The following ZNF395 variants were observed in gnomAD, a reference collection of about 807,000 sequenced individuals.
The protein encoded by ZNF395 is zinc finger protein 395.
ZNF395 carries 20 observed loss-of-function variants against 57.7 expected under a neutral mutation model. The ratio of observed to expected loss-of-function variants is 0.35; its 90% CI spans 0.24 to 0.50. The LOEUF is 0.50. ZNF395 is among the 20% of genes least tolerant of loss of function. The pLI is 0.97. For missense variants in ZNF395, 606 were observed against 671.2 expected (o/e 0.90, Z 1.07); for synonymous variants, 295 against 275.9 (o/e 1.07, Z -0.69).
intron 1 of ZNF395, among the ~76,000 whole-genome samples, chr8:28,378,130 C>CGTTG (rs1802066595): frequency 6.6e-6 from 1 of 152,190 alleles, no homozygotes; most frequent in African/African-American, 2.4e-5. Flanking sequence ...CCCCCACCAC[C>CGTTG]ACCAACCTTC....
intron 1 of ZNF395, among the ~76,000 whole-genome samples, chr8:28,373,614 G>A (rs532228754): frequency 1.8e-4 from 27 of 152,248 alleles, no homozygotes; most frequent in Non-Finnish European, 2.8e-4. Flanking sequence ...AGTCCACAAC[G>A]GGCTGCCCGT....
At chr8:28,349,093 C>G (rs1310774434) in intron 9 of ZNF395, 32 bp downstream of exon 9, 1 of 1,554,294 alleles carries the variant, frequency 6.4e-7, no homozygotes, top group Admixed American at 1.9e-5. Context: ...GCACAGAAAC[C>G]AGAAGGCAGG....
At position 28,348,740 on chromosome 8, in the gene ZNF395, G is replaced by C; in HGVS notation, c.1521C>G (p.Ala507=). The change falls in exon 10 of 10, where the codon GCC becomes GCG. Residue 507 remains alanine, a synonymous_variant. Transcript: ENST00000344423. ...QWCTACRWKK[A]CQRFLD ...CAGCTCAGTCCAGAAAGCGCTGGCA[G>C]GCCTTCTTCCACCGGCAGGCCGTGC... is the stretch of plus-strand genomic sequence containing the variant. 1 of 1,614,054 alleles carries C rather than the reference G, an allele frequency of 6.2e-7. No homozygotes were observed.
At chr8:28,357,186 C>T (rs1484983028) in intron 3 of ZNF395, among the ~76,000 whole-genome samples, 1 of 152,146 alleles carries the variant, frequency 6.6e-6, no homozygotes, top group Non-Finnish European at 1.5e-5. Context: ...AAGATGCCCA[C>T]TGGAATTCAA....
intron 1 of ZNF395, among the ~76,000 whole-genome samples, chr8:28,371,823 T>C (rs553613949): frequency 1.3e-5 from 2 of 152,128 alleles, no homozygotes; most frequent in South Asian, 4.1e-4. Context: ...CCAAGGCAGG[T>C]GGATCACTTA....
intron 8 of ZNF395, 85 bp from the exon 9 acceptor site, chr8:28,349,313 C>G: frequency 8.9e-7 from 1 of 1,120,146 alleles, no homozygotes; most frequent in Non-Finnish European, 1.2e-6. Context: ...GCCACCCGTC[C>G]CCAGCTCCTG....
chr8:28,383,664 C>A (rs1802137200), intron 1 of ZNF395, among the ~76,000 whole-genome samples: 1 of 152,050 alleles, frequency 6.6e-6, no homozygotes, highest in Admixed American at 6.5e-5. Context: ...GAAACAGAAG[C>A]CCCTCGGTTC....
intron 2 of ZNF395, among the ~76,000 whole-genome samples, chr8:28,360,660 G>A (rs1055282660): frequency 1.3e-5 from 2 of 152,228 alleles, no homozygotes; most frequent in Non-Finnish European, 2.9e-5. Context: ...CTGATGCTAG[G>A]TCTTGCCACC....
rs868233084 is a variant in ZNF395 at position 28,360,431 on chromosome 8, C to G, written c.240+454G>C. Among the ~76,000 whole-genome samples the G allele has an allele frequency of 8.5e-5, 13 of 152,316 alleles. No homozygotes were observed. In the Middle Eastern group the frequency reaches 0.01, roughly 120 times the overall value. The stretch of plus-strand genomic sequence containing the variant: ...CAGACCCAGGGCCCTGGCACAGGGG[C>G]AGGGATGCTGGAAAAGGAAATCCAC... On this transcript the variant is annotated intron_variant, in intron 2 of 9. Transcript: ENST00000344423.
chr8:28,371,240 G>A (rs1018548936), intron 1 of ZNF395, among the ~76,000 whole-genome samples: 4 of 152,192 alleles, frequency 2.6e-5, no homozygotes, highest in South Asian at 4.1e-4. Context: ...GAGTGCAGTC[G>A]CACGATCACA....
intron 1 of ZNF395, among the ~76,000 whole-genome samples, chr8:28,374,522 A>G (rs1171843904): frequency 1.3e-5 from 2 of 152,124 alleles, no homozygotes; most frequent in Non-Finnish European, 2.9e-5. Context: ...CATTTCAATA[A>G]TATGTTTGGG....
chr8:28,353,791 G>A lies in ZNF395; in HGVS notation c.584-383C>T, dbSNP rs367982326. 3.9e-5 allele frequency among the ~76,000 whole-genome samples: 6 copies of A among 152,056 alleles called. No individual in the cohort carries two copies. The East Asian group carries it at 9.6e-4, about 24-fold the overall frequency. On this transcript the variant is annotated intron_variant, in intron 4 of 9. Transcript: ENST00000344423. ...TTCTCACTTTATACATTAAATAAAGGGGGGATGGGGAGGGGGAAGGGCAAA... is the reference window on the plus strand; with the variant it reads ...TTCTCACTTTATACATTAAATAAAGAGGGGATGGGGAGGGGGAAGGGCAAA...
Position 28,363,555 on chromosome 8 carries a change from C to T in ZNF395, c.-58-2373G>A, listed in dbSNP as rs370344399. ...GGCTGATAGGATCCAGAGGTGAAGT[C>T]GCAATGCCATGTAGAGACATGAGAT... is the stretch of plus-strand genomic sequence containing the variant. On this transcript the variant is annotated intron_variant, in intron 1 of 9. Transcript: ENST00000344423. 2.6e-5 allele frequency among the ~76,000 whole-genome samples: 4 copies of T among 152,186 alleles called. No homozygotes were observed. In the East Asian group the frequency reaches 5.8e-4, roughly 22 times the overall value.
chr8:28,385,445 G>A (rs1199039528), intron 1 of ZNF395: 1 of 146,662 alleles, frequency 6.8e-6, no homozygotes, highest in African/African-American at 2.6e-5. Context: ...TGCCACCGCC[G>A]GGGAGGGCCA....
At chr8:28,364,346 C>A (rs1037442164) in intron 1 of ZNF395, among the ~76,000 whole-genome samples, 2 of 152,156 alleles carry the variant, frequency 1.3e-5, no homozygotes, top group Non-Finnish European at 2.9e-5. Flanking sequence ...TGTTAGTGAA[C>A]CTTGATGGGA....
At chr8:28,351,162 C>T (rs1801677239) in intron 7 of ZNF395, among the ~76,000 whole-genome samples, 1 of 152,150 alleles carries the variant, frequency 6.6e-6, no homozygotes, top group South Asian at 2.1e-4. Flanking sequence ...AATTCTAGGA[C>T]CTAGACGTCA....
chr8:28,367,372 C>T (rs1233587114), intron 1 of ZNF395, among the ~76,000 whole-genome samples: 1 of 152,156 alleles, frequency 6.6e-6, no homozygotes, highest in Admixed American at 6.5e-5. Flanking sequence ...GGACTCCCAA[C>T]TAACACTACT....
At chr8:28,350,385 C>T (rs1319626488) in intron 7 of ZNF395, among the ~76,000 whole-genome samples, 1 of 152,228 alleles carries the variant, frequency 6.6e-6, no homozygotes, top group African/African-American at 2.4e-5. Flanking sequence ...TGGAACCCTT[C>T]CCTCAGCGCT....
chr8:28,349,114 G>A lies in ZNF395; in HGVS notation c.1430+11C>T, dbSNP rs763455710. The A allele has an allele frequency of 3.3e-5, 52 of 1,563,986 alleles. No homozygotes were observed. The highest frequency in any genetic ancestry group is 9.7e-5 in the Admixed American group (5 of 51,724). ...AAACCAGAAGGCAGGGGACGACAGC[G>A]GACATCTCACCTGGCACCACTCTGG... On this transcript the variant is annotated intron_variant, in intron 9 of 9. Coordinates refer to ENST00000344423, the MANE Select transcript of ZNF395 (RefSeq NM_018660.3).
Sources: gnomAD v4.1 joint callset for allele counts (sites outside exome capture counted in the v4.1 genomes callset) on GRCh38, gnomAD v4.1.1 for gene constraint, MANE v1.5 for transcripts, NCBI Gene and HGNC (gene_info 2026-07-23, HGNC 2026-07-21) for gene names.